TERB1: variants seen among roughly 807,000 people sequenced by gnomAD.
TERB1 encodes the protein telomere repeats-binding bouquet formation protein 1.
TERB1 carries 63 observed loss-of-function variants against 92.3 expected under a neutral mutation model. That is an observed-to-expected ratio of 0.68 (90% CI 0.56 to 0.84). The LOEUF is 0.84. Among genes scored for constraint, TERB1 ranks in the 40% least tolerant of loss-of-function variants. The pLI is 0.00. For synonymous variants in TERB1, 252 were observed against 283.9 expected, an observed-to-expected ratio of 0.89 and a Z score of 1.13; for missense variants, 709 against 843.7, an observed-to-expected ratio of 0.84 and a Z score of 1.98.
At chr16:66,765,727 G>C (rs896241118) in intron 16 of TERB1, among the ~76,000 whole-genome samples, 4 of 151,478 alleles carry the variant, frequency 2.6e-5, no homozygotes, top group African/African-American at 9.7e-5. Context: ...CAAAGTGCTA[G>C]GATTACAGAC....
At chr16:66,756,556 T>A (rs1302937954) in intron 18 of TERB1, among the ~76,000 whole-genome samples, 1 of 152,214 alleles carries the variant, frequency 6.6e-6, no homozygotes, top group African/African-American at 2.4e-5. Flanking sequence ...ATTCTTTCAT[T>A]TTGGGTGTAC....
intron 15 of TERB1, among the ~76,000 whole-genome samples, chr16:66,767,903 T>A (rs1370475206): frequency 2.0e-5 from 3 of 152,080 alleles, no homozygotes; most frequent in Non-Finnish European, 4.4e-5. Flanking sequence ...AATTTTTGTA[T>A]TTTTAGTAGA....
At chr16:66,786,748 C>A (rs2018734846) in intron 6 of TERB1, among the ~76,000 whole-genome samples, 1 of 152,154 alleles carries the variant, frequency 6.6e-6, no homozygotes. Context: ...TGATCCTCCC[C>A]ATGGAAACAA....
chr16:66,770,459 A>G, intron 13 of TERB1, 150 bp from the exon 14 acceptor site: 1 of 609,530 alleles, frequency 1.6e-6, no homozygotes, highest in Non-Finnish European at 2.8e-6. Flanking sequence ...TAGGAAGAAA[A>G]GGGAGTTTAT....
Position 66,796,750 on chromosome 16 carries a change from G to A in TERB1, c.31+18C>T, listed in dbSNP as rs771549460. 14 of 1,511,518 alleles carry A rather than the reference G, an allele frequency of 9.3e-6. No homozygotes were observed. Among genetic ancestry groups the A allele is most frequent in the African/African-American group, 1.4e-5 (1 of 72,290 alleles). The allele number at this position is 1,511,518 out of a possible 1,614,324, so 93.6% of individuals were successfully genotyped here. A position where few individuals can be genotyped will look rare whatever the true frequency, so the allele number is the denominator to read the frequency against. ...AATACAAAACTCATTGCAGATATAT[G>A]ATCCATCAATTTCTCACCTTGTGTT... On this transcript the variant is annotated intron_variant, in intron 3 of 18. Coordinates refer to ENST00000433154, the MANE Select transcript of TERB1 (RefSeq NM_001136505.2).
At chr16:66,797,279 A>C (rs1270291804) in intron 2 of TERB1, among the ~76,000 whole-genome samples, 2 of 140,026 alleles carry the variant, frequency 1.4e-5, no homozygotes, top group Non-Finnish European at 3.0e-5. Flanking sequence ...TCTGACACCC[A>C]GGCTGGAGCG....
intron 16 of TERB1, among the ~76,000 whole-genome samples, chr16:66,762,307 C>T (rs2018265088): frequency 6.6e-6 from 1 of 152,180 alleles, no homozygotes; most frequent in Non-Finnish European, 1.5e-5. Context: ...GATTATGACA[C>T]CTGGAATTTA....
chr16:66,790,825 G>A (rs2018820743), intron 4 of TERB1, 84 bp downstream of exon 4: 3 of 1,406,084 alleles, frequency 2.1e-6, no homozygotes, highest in Admixed American at 2.1e-5. Context: ...ATAACTGAAT[G>A]GAAGATAAAG....
chr16:66,777,423 C>G, intron 10 of TERB1, 89 bp from the exon 11 acceptor site: 1 of 751,042 alleles, frequency 1.3e-6, no homozygotes, highest in East Asian at 2.8e-5. Flanking sequence ...TTTATTCAGG[C>G]AGAATGTTAT....
At chr16:66,791,207 T>C (rs980537087) in intron 3 of TERB1, among the ~76,000 whole-genome samples, 188 bp from the exon 4 acceptor site, 4 of 152,030 alleles carry the variant, frequency 2.6e-5, no homozygotes, top group Admixed American at 2.6e-4. Flanking sequence ...TAACTTAAAA[T>C]GAACATCTTA....
chr16:66,757,387 T>C (rs2018155014), intron 18 of TERB1, among the ~76,000 whole-genome samples: 1 of 152,214 alleles, frequency 6.6e-6, no homozygotes, highest in African/African-American at 2.4e-5. Context: ...TTTTCATTGT[T>C]ACGTACTTGC....
At chr16:66,783,578 G>T (rs561793937) in intron 9 of TERB1, among the ~76,000 whole-genome samples, 1 of 152,306 alleles carries the variant, frequency 6.6e-6, no homozygotes, top group South Asian at 2.1e-4. Flanking sequence ...GGCCTTATAT[G>T]TTGGGAAGTG....
At chr16:66,757,835 A>G (rs984983583) in intron 18 of TERB1, among the ~76,000 whole-genome samples, 13 of 152,234 alleles carry the variant, frequency 8.5e-5, no homozygotes, top group African/African-American at 3.1e-4. Context: ...TTTCTGATAC[A>G]TCGGAAATGG....
intron 11 of TERB1, among the ~76,000 whole-genome samples, chr16:66,776,329 CA>C (rs377113453): frequency 0.027 from 2,382 of 89,262 alleles, 44 homozygotes; most frequent in South Asian, 0.14. Context: ...AACTCCGTCT[CA>C]AAAAAAAAAA....
chr16:66,799,961 C>T (rs570170769), intron 2 of TERB1: 2 of 152,280 alleles, frequency 1.3e-5, no homozygotes, highest in South Asian at 2.1e-4. Context: ...CCCACTTACA[C>T]GTTTCACTCA....
At chr16:66,763,232 C>T (rs561064747) in intron 16 of TERB1, among the ~76,000 whole-genome samples, 21 of 151,934 alleles carry the variant, frequency 1.4e-4, no homozygotes, top group Non-Finnish European at 2.8e-4. Flanking sequence ...CAGCCTCCCA[C>T]GTAGCTGGAA....
At chr16:66,784,326 T>C (rs575337350) in intron 9 of TERB1, among the ~76,000 whole-genome samples, 13 of 152,156 alleles carry the variant, frequency 8.5e-5, no homozygotes, top group African/African-American at 2.9e-4. Context: ...TATGGTTTTT[T>C]TGGGTTTTTT....
intron 6 of TERB1, among the ~76,000 whole-genome samples, chr16:66,787,597 G>A (rs187525761): frequency 7.5e-4 from 114 of 152,174 alleles, no homozygotes; most frequent in African/African-American, 2.4e-3. Context: ...GGCTTACACC[G>A]TAAACACTGT....
intron 9 of TERB1, 133 bp downstream of exon 9, chr16:66,785,647 CTTATCT>C (rs2018716173): frequency 2.5e-6 from 2 of 814,890 alleles, no homozygotes; most frequent in Non-Finnish European, 3.6e-6. Flanking sequence ...TTAAGATTTT[CTTATCT>C]TTAAGAGTCT....
Sources: allele counts gnomAD v4.1 joint callset (sites outside exome capture counted in the v4.1 genomes callset), GRCh38; gene constraint gnomAD v4.1.1; transcripts MANE v1.5; gene names NCBI Gene and HGNC (gene_info 2026-07-23, HGNC 2026-07-21).